The following MPPED2 variants were observed in gnomAD, a reference collection of about 807,000 sequenced individuals.
MPPED2 encodes the protein metallophosphoesterase MPPED2.
Under a neutral mutation model 33.0 loss-of-function variants are expected in MPPED2, and 5 were observed. The ratio of observed to expected loss-of-function variants is 0.15; its 90% CI spans 0.08 to 0.32. The LOEUF (loss-of-function observed/expected upper bound fraction) is 0.32, where lower values mean the gene tolerates loss of function less well. Among genes scored for constraint, MPPED2 ranks in the 10% least tolerant of loss-of-function variants. The probability of loss-of-function intolerance (pLI) is 1.00; values close to 1 mark genes in which losing one functional copy is unlikely to be tolerated. For missense variants in MPPED2, 275 were observed against 372.1 expected (o/e 0.74, Z 2.15); for synonymous variants, 136 against 141.9 (o/e 0.96, Z 0.29).
chr11:30,454,499 AC>A (rs1055764222), intron 4 of MPPED2, among the ~76,000 whole-genome samples: 4 of 152,174 alleles, frequency 2.6e-5, no homozygotes, highest in African/African-American at 9.7e-5. Flanking sequence ...ATTTTTTTTT[AC>A]AAGTTTAATG....
At chr11:30,414,696 G>A (rs1302140364) in intron 5 of MPPED2, among the ~76,000 whole-genome samples, 3 of 151,718 alleles carry the variant, frequency 2.0e-5, no homozygotes, top group African/African-American at 7.3e-5. Context: ...AGTTACTTTC[G>A]CTATTTTATT....
intron 3 of MPPED2, among the ~76,000 whole-genome samples, chr11:30,529,027 A>G (rs1954360187): frequency 6.6e-6 from 1 of 152,240 alleles, no homozygotes; most frequent in South Asian, 2.1e-4. Context: ...TGCAAGTAGA[A>G]TAATAAAAGA....
chr11:30,435,458 G>T lies in MPPED2; in HGVS notation c.537-17825C>A, dbSNP rs139972269. Among the ~76,000 whole-genome samples the T allele has an allele frequency of 1.3e-4, 20 of 152,294 alleles. 1 individual carries two copies. Among genetic ancestry groups the T allele is most frequent in the African/African-American group, 4.8e-4 (20 of 41,554 alleles). Reference sequence around the variant, plus strand: ...CTCTGAACCAGTGGCAGTGACACTCGATCACAGTGGCTATACATTTGGAAG... The same window carrying T: ...CTCTGAACCAGTGGCAGTGACACTCTATCACAGTGGCTATACATTTGGAAG... On this transcript the variant is annotated intron_variant, in intron 4 of 6. Transcript: ENST00000358117.
At chr11:30,538,000 G>C (rs1361995455) in intron 2 of MPPED2, among the ~76,000 whole-genome samples, 8 of 152,032 alleles carry the variant, frequency 5.3e-5, no homozygotes, top group Non-Finnish European at 1.2e-4. Context: ...AGTTTTCCCA[G>C]AGAATGAATG....
downstream of MPPED2, among the ~76,000 whole-genome samples, chr11:30,408,527 G>A (rs572471606): frequency 2.0e-4 from 31 of 152,194 alleles, no homozygotes; most frequent in East Asian, 9.7e-4. Context: ...GGTCAGGATG[G>A]TCTCAATCTC....
In MPPED2 at chr11:30,417,521, G is replaced by C. The variant is rs1277641477; in HGVS notation, c.649C>G (p.Leu217Val). 1 of 1,594,194 alleles carries C rather than the reference G, an allele frequency of 6.3e-7. No individual in the cohort carries two copies. The highest frequency in any genetic ancestry group is 2.2e-5 in the East Asian group (1 of 44,728). Residue 217 changes from leucine to valine, a missense_variant, in exon 5 of 7, where the codon CTA becomes GTA. Leu to Val is a conservative substitution (Grantham distance 32). Transcript: ENST00000358117. ...IDILMTHGPP[L>V]GFRDWVPKEL... ...GGACAACCTTTGCTTCACTTACCTA[G>C]AGGAGGTCCATGTGTCATGAGTATG...
chr11:30,468,698 C>A (rs758873063), intron 4 of MPPED2, among the ~76,000 whole-genome samples: 1 of 152,154 alleles, frequency 6.6e-6, no homozygotes, highest in East Asian at 1.9e-4. Flanking sequence ...GTGTGTAACA[C>A]AATCACACCA....
intron 3 of MPPED2, among the ~76,000 whole-genome samples, chr11:30,519,649 G>A (rs1953742474): frequency 6.6e-6 from 1 of 151,968 alleles, no homozygotes; most frequent in South Asian, 2.1e-4. Flanking sequence ...ATGAATAATG[G>A]ATTCACAAAA....
intron 1 of MPPED2, among the ~76,000 whole-genome samples, chr11:30,582,222 G>A (rs1273786678): frequency 1.3e-5 from 2 of 151,836 alleles, no homozygotes; most frequent in Admixed American, 6.6e-5. Flanking sequence ...CTACTGAAGC[G>A]CAAAACTGCA....
chr11:30,450,362 C>T (rs1049731298), intron 4 of MPPED2, among the ~76,000 whole-genome samples: 1 of 152,174 alleles, frequency 6.6e-6, no homozygotes, highest in Admixed American at 6.5e-5. Flanking sequence ...TAAAAATAGA[C>T]ATTGTGTATA....
intron 4 of MPPED2, among the ~76,000 whole-genome samples, chr11:30,453,961 A>T (rs534031515): frequency 2.0e-5 from 3 of 152,160 alleles, no homozygotes; most frequent in Admixed American, 6.5e-5. Context: ...GTGATATACA[A>T]AGGAGTTCTG....
At chr11:30,523,307 G>T (rs1399507525) in intron 3 of MPPED2, among the ~76,000 whole-genome samples, 1 of 152,098 alleles carries the variant, frequency 6.6e-6, no homozygotes, top group African/African-American at 2.4e-5. Context: ...GCAGGCTGGG[G>T]GGAGGTGGGA....
In MPPED2 at chr11:30,586,329, C is replaced by T; in HGVS notation, c.-409G>A. The stretch of plus-strand genomic sequence containing the variant: ...GGAGAGGGAGCGAGGGCGCGGCGAG[C>T]CGGAGGGAGAGCGAGCGGTGCAGTG... On this transcript the variant is annotated 5_prime_UTR_variant, in exon 1 of 7. Transcript: ENST00000358117. This position sits in a 1 kb window ranked among gnomAD's most constrained non-coding sequence, Gnocchi z 4.8. The T allele has an allele frequency of 6.5e-6, 1 of 153,578 alleles. No homozygotes were observed. Among genetic ancestry groups the T allele is most frequent in the Non-Finnish European group, 1.4e-5 (1 of 69,280 alleles). The allele number at this position is 153,578 out of a possible 1,614,324, so 9.5% of individuals were successfully genotyped here.
At chr11:30,405,355 A>G (rs937974720), downstream of MPPED2, among the ~76,000 whole-genome samples, 2 of 152,192 alleles carry the variant, frequency 1.3e-5, no homozygotes, top group African/African-American at 2.4e-5. Flanking sequence ...ACCTCATGGT[A>G]ACTATGGCTT....
intron 2 of MPPED2, among the ~76,000 whole-genome samples, chr11:30,539,908 G>A (rs150390969): frequency 6.6e-4 from 101 of 152,270 alleles, no homozygotes; most frequent in African/African-American, 2.3e-3. Context: ...GATTATAGGC[G>A]TGAGCCACCC....
Position 30,394,124 on chromosome 11 carries a change from G to A in MPPED2, c.767-5168C>T, listed in dbSNP as rs2133699121. On this transcript the variant is annotated intron_variant, in intron 6 of 6. Coordinates refer to the MPPED2 transcript ENST00000448418. The stretch of plus-strand genomic sequence containing the variant: ...ATAGTTTGTTCCTTTTTATTACCAA[G>A]TAGTATTCCACTTTATGGATGTGCA... Among the ~76,000 whole-genome samples, 2 of 152,292 alleles carry A rather than the reference G, an allele frequency of 1.3e-5. 1 individual carries two copies. The highest frequency in any genetic ancestry group is 6.8e-3 in the Middle Eastern group (2 of 294).
chr11:30,484,951 C>T (rs779202318), intron 4 of MPPED2, among the ~76,000 whole-genome samples: 7 of 152,086 alleles, frequency 4.6e-5, no homozygotes, highest in Non-Finnish European at 1.0e-4. Flanking sequence ...TCTCTTCTAC[C>T]ATGGTAATAC....
At chr11:30,401,851 A>ATT (rs377378046) in intron 6 of MPPED2, among the ~76,000 whole-genome samples, 29,506 of 136,018 alleles carry the variant, frequency 0.22, 4,965 homozygotes, top group Non-Finnish European at 0.31. Flanking sequence ...TGGCCAGCTA[A>ATT]TTTTTTGTAT....
At chr11:30,386,990 G>A (rs1479437769) in exon 7 of MPPED2, 1 of 384,254 alleles carries the variant, frequency 2.6e-6, no homozygotes, top group East Asian at 3.7e-5. Flanking sequence ...TTGCAGATCA[G>A]AAAACAAGGC....
Sources: gnomAD v4.1 joint callset for allele counts (sites outside exome capture counted in the v4.1 genomes callset) on GRCh38, gnomAD v4.1.1 for gene constraint, Gnocchi (gnomAD v3.1) non-coding constraint, MANE v1.5 for transcripts, NCBI Gene and HGNC (gene_info 2026-07-23, HGNC 2026-07-21) for gene names.